The following TOM1L2 variants were observed in gnomAD, a reference collection of about 807,000 sequenced individuals.
TOM1L2 encodes the protein target of myb1 like 2 membrane trafficking protein, also known as TOM1-like protein 2.
In TOM1L2, 31 loss-of-function variants were observed where a neutral mutation model predicts 67.9. The observed-to-expected ratio is 0.46, with a 90% CI of 0.34 to 0.62. TOM1L2 has a LOEUF of 0.62. TOM1L2 is among the 20% of genes least tolerant of loss of function. The pLI, the probability that TOM1L2 is intolerant of heterozygous loss-of-function variation, is 0.01. For synonymous variants in TOM1L2, 256 were observed against 254.0 expected, an observed-to-expected ratio of 1.01 and a Z score of -0.07; for missense variants, 606 against 663.5, an observed-to-expected ratio of 0.91 and a Z score of 0.95.
In TOM1L2 at chr17:17,843,564, G is replaced by C. The variant is rs953401815; in HGVS notation, c.*4071C>G. ...TATTTTACATGCAAGAACCCAATTAGAGAGAGGGTATCTGGAAGGAGGGCC... is the reference window on the plus strand; with the variant it reads ...TATTTTACATGCAAGAACCCAATTACAGAGAGGGTATCTGGAAGGAGGGCC... On this transcript the variant is annotated 3_prime_UTR_variant, in exon 15 of 15. Transcript: ENST00000379504. The C allele has an allele frequency of 6.6e-6, 1 of 152,234 alleles. No homozygotes were observed. Among genetic ancestry groups the C allele is most frequent in the Non-Finnish European group, 1.5e-5 (1 of 68,052 alleles). The allele number at this position is 152,234 out of a possible 1,614,324, so 9.4% of individuals were successfully genotyped here. A position where few individuals can be genotyped will look rare whatever the true frequency, so the allele number is the denominator to read the frequency against.
chr17:17,946,656 T>C (rs934000553), intron 1 of TOM1L2, among the ~76,000 whole-genome samples: 9 of 152,204 alleles, frequency 5.9e-5, no homozygotes, highest in African/African-American at 1.7e-4. Context: ...GCTAGGCTCA[T>C]GGGTGCAGAG....
chr17:17,961,507 C>T (rs904323510), intron 1 of TOM1L2, among the ~76,000 whole-genome samples: 4 of 151,680 alleles, frequency 2.6e-5, no homozygotes, highest in African/African-American at 4.9e-5. Context: ...TTCAGAAGTT[C>T]GAGGCTGCAG....
chr17:17,847,897 T>G (rs1313767994), intron 14 of TOM1L2, 114 bp from the exon 15 acceptor site: 3 of 1,413,512 alleles, frequency 2.1e-6, no homozygotes, highest in Non-Finnish European at 3.0e-6. Context: ...GAAGCCCACC[T>G]AGGAGCAGGT....
chr17:17,931,878 G>C (rs1029798727), intron 1 of TOM1L2, among the ~76,000 whole-genome samples: 1 of 152,126 alleles, frequency 6.6e-6, no homozygotes, highest in African/African-American at 2.4e-5. Context: ...TTATCATACA[G>C]GTCTCCAAAT....
chr17:17,851,167 A>C (rs1049735628), intron 12 of TOM1L2: 7 of 570,504 alleles, frequency 1.2e-5, no homozygotes, highest in African/African-American at 7.5e-5. Flanking sequence ...AAATGATAAG[A>C]AGCAGGCTCC....
intron 1 of TOM1L2, among the ~76,000 whole-genome samples, chr17:17,919,604 C>A (rs2039769157): frequency 6.6e-6 from 1 of 152,138 alleles, no homozygotes; most frequent in South Asian, 2.1e-4. Flanking sequence ...TAAAAAGATT[C>A]CCCATAAGTC....
At position 17,893,882 on chromosome 17, in the gene TOM1L2, A is replaced by T; in HGVS notation, c.217-72T>A. On this transcript the variant is annotated intron_variant, in intron 3 of 14. Coordinates refer to ENST00000379504, the MANE Select transcript of TOM1L2 (RefSeq NM_001082968.2). ...GAAGACACTGGGAACTGAGGAGCGCAGCTGAGTTTCCACCATCCCCTCTGT... is the reference window on the plus strand; with the variant it reads ...GAAGACACTGGGAACTGAGGAGCGCTGCTGAGTTTCCACCATCCCCTCTGT... 4 of 1,496,200 alleles carry T rather than the reference A, an allele frequency of 2.7e-6. No homozygotes were observed. In the Admixed American group the frequency reaches 7.6e-5, roughly 28 times the overall value. 92.7% of individuals were successfully genotyped at this position (1,496,200 alleles called of 1,614,324 possible). A position where few individuals can be genotyped will look rare whatever the true frequency, so the allele number is the denominator to read the frequency against.
At chr17:17,943,848 C>T (rs553772713) in intron 1 of TOM1L2, among the ~76,000 whole-genome samples, 36 of 152,338 alleles carry the variant, frequency 2.4e-4, no homozygotes, top group South Asian at 1.0e-3. Flanking sequence ...CAGGGCCCCA[C>T]GTGAACATCC....
chr17:17,912,779 G>A (rs888343083), intron 1 of TOM1L2, among the ~76,000 whole-genome samples: 1 of 152,026 alleles, frequency 6.6e-6, no homozygotes, highest in South Asian at 2.1e-4. Context: ...CTTCCCAGAC[G>A]GGGTGGCGGC....
intron 7 of TOM1L2, among the ~76,000 whole-genome samples, chr17:17,878,860 C>T (rs2037561788): frequency 6.6e-6 from 1 of 152,202 alleles, no homozygotes; most frequent in African/African-American, 2.4e-5. Flanking sequence ...CTGCAAATGC[C>T]AGGGTCATCT....
intron 1 of TOM1L2, among the ~76,000 whole-genome samples, chr17:17,939,861 G>T (rs2040658533): frequency 1.3e-5 from 2 of 152,144 alleles, no homozygotes; most frequent in Admixed American, 6.5e-5. Context: ...CTCTGTAGTA[G>T]CCTCTACTTC....
rs759595372 is a variant in TOM1L2 at position 17,879,729 on chromosome 17, C to G, written c.675G>C (p.Arg225=). The G allele has an allele frequency of 6.2e-7, 1 of 1,614,182 alleles. No homozygotes were observed. Among genetic ancestry groups the G allele is most frequent in the South Asian group, 1.1e-5 (1 of 91,082 alleles). The change falls in exon 7 of 15, where the codon CGG becomes CGC. Residue 225 remains arginine, a synonymous_variant. Coordinates refer to ENST00000379504, the MANE Select transcript of TOM1L2 (RefSeq NM_001082968.2). ...TTCCTCGAACGACGTCCAGTTCACT[C>G]CGCAGCCTGGCAATCTGGTGGGGGC... ...TANSEQIARL[R]SELDVVRGNT... is the part of the protein sequence containing the mutation.
chr17:17,877,878 A>T (rs1181755329), intron 7 of TOM1L2, among the ~76,000 whole-genome samples: 1 of 138,442 alleles, frequency 7.2e-6, no homozygotes, highest in Non-Finnish European at 1.6e-5. Context: ...GGGCTTGTTT[A>T]AAAAAAAAAA....
chr17:17,887,299 T>C (rs888377301), intron 4 of TOM1L2, among the ~76,000 whole-genome samples: 1 of 152,248 alleles, frequency 6.6e-6, no homozygotes, highest in African/African-American at 2.4e-5. Context: ...ATATTCATGA[T>C]GGCAATCTCT....
At chr17:17,926,451 A>G (rs1373852755) in intron 1 of TOM1L2, among the ~76,000 whole-genome samples, 1 of 152,204 alleles carries the variant, frequency 6.6e-6, no homozygotes, top group Non-Finnish European at 1.5e-5. Flanking sequence ...CGTGTTTCAC[A>G]TTCCAAAGCC....
chr17:17,862,846 A>G lies in TOM1L2; in HGVS notation c.1087T>C (p.Leu363=). Residue 363 remains leucine (L), a splice_region_variant and synonymous_variant, in exon 11 of 15, where the codon TTG becomes CTG. Coordinates refer to ENST00000379504, the MANE Select transcript of TOM1L2 (RefSeq NM_001082968.2). ...GTGCCACTGACGCTCTCTGTCCCCAAGTCTGTGGCAACAAAACAAATGGGT... is the reference window on the plus strand; with the variant it reads ...GTGCCACTGACGCTCTCTGTCCCCAGGTCTGTGGCAACAAAACAAATGGGT... ...SLSSQLAGLD[L]GTESVSGTLS... is the part of the protein sequence containing the mutation. 6.2e-7 allele frequency: 1 copy of G among 1,613,288 alleles called. No homozygotes were observed. The highest frequency in any genetic ancestry group is 8.5e-7 in the Non-Finnish European group (1 of 1,179,434).
At chr17:17,902,629 G>A (rs1347049014) in intron 2 of TOM1L2, among the ~76,000 whole-genome samples, 1 of 152,242 alleles carries the variant, frequency 6.6e-6, no homozygotes, top group African/African-American at 2.4e-5. Context: ...GGGCCTGCAG[G>A]GCGTGGCACA....
intron 1 of TOM1L2, among the ~76,000 whole-genome samples, chr17:17,910,377 C>T (rs988355904): frequency 1.3e-5 from 2 of 152,134 alleles, no homozygotes; most frequent in Admixed American, 1.3e-4. Context: ...CAGCACTTGG[C>T]AGTAGTGCAA....
At chr17:17,936,819 T>A (rs1231235386) in intron 1 of TOM1L2, among the ~76,000 whole-genome samples, 3 of 152,224 alleles carry the variant, frequency 2.0e-5, no homozygotes, top group African/African-American at 7.2e-5. Context: ...ATGTTTATAG[T>A]AGTAACCTTT....
Sources: allele counts gnomAD v4.1 joint callset (sites outside exome capture counted in the v4.1 genomes callset), GRCh38; gene constraint gnomAD v4.1.1; transcripts MANE v1.5; gene names NCBI Gene and HGNC (gene_info 2026-07-23, HGNC 2026-07-21).